Variants in TMEM143 observed in about 807,000 individuals in gnomAD.
TMEM143 encodes the protein transmembrane protein 143.
In TMEM143, 45 loss-of-function variants were observed where a neutral mutation model predicts 40.3. The ratio of observed to expected loss-of-function variants is 1.12; its 90% CI spans 0.88 to 1.43. The LOEUF (loss-of-function observed/expected upper bound fraction) is 1.43, where lower values mean the gene tolerates loss of function less well. TMEM143 is among the 40% of genes most tolerant of loss of function. The pLI, the probability that TMEM143 is intolerant of heterozygous loss-of-function variation, is 0.00. For synonymous variants in TMEM143, 299 were observed against 282.7 expected (o/e 1.06, Z -0.58); for missense variants, 620 against 613.4 (o/e 1.01, Z -0.11).
At chr19:48,363,629 G>A (rs746989565) in intron 1 of TMEM143, 98 bp from the exon 2 acceptor site, 2 of 1,489,872 alleles carry the variant, frequency 1.3e-6, no homozygotes, top group East Asian at 4.8e-5. Context: ...CTCTACCCCA[G>A]GCAGGGCGCA....
intron 3 of TMEM143, among the ~76,000 whole-genome samples, chr19:48,351,003 T>C (rs1969757924): frequency 6.6e-6 from 1 of 151,322 alleles, no homozygotes; most frequent in Non-Finnish European, 1.5e-5. Flanking sequence ...CCATCAAGCA[T>C]TCCCTTGTGG....
chr19:48,339,629 A>C (rs1969444908), intron 6 of TMEM143, among the ~76,000 whole-genome samples: 1 of 151,938 alleles, frequency 6.6e-6, no homozygotes. Context: ...GGACTAGGGG[A>C]GGGGCTTGCA....
intron 3 of TMEM143, among the ~76,000 whole-genome samples, chr19:48,357,176 C>T (rs1462741482): frequency 6.6e-6 from 1 of 151,506 alleles, no homozygotes. Context: ...AGGCTGGTCT[C>T]GAACTCCTGA....
Position 48,343,366 on chromosome 19 carries a change from A to G in TMEM143, c.650T>C (p.Val217Ala). The G allele has an allele frequency of 6.2e-7, 1 of 1,609,564 alleles. No individual in the cohort carries two copies. Among genetic ancestry groups the G allele is most frequent in the Non-Finnish European group, 8.5e-7 (1 of 1,178,356 alleles). ...RVGQMPLKSS[V>A]GSRRGFFTKL... ...GGTGAAGAAGCCACGCCTGGAGCCC[A>G]CGCTGGACTTCAGGGGCATCTGCCC... The change falls in exon 5 of 8, where the codon GTG becomes GCG. Residue 217 changes from valine to alanine, a missense_variant. Coordinates refer to ENST00000293261, the MANE Select transcript of TMEM143 (RefSeq NM_018273.4).
intron 3 of TMEM143, among the ~76,000 whole-genome samples, chr19:48,345,888 G>A (rs8106646): frequency 0.12 from 17,030 of 143,884 alleles, 1,326 homozygotes; most frequent in East Asian, 0.23. Context: ...GGGTTCAAGC[G>A]ATTCTCCTGT....
chr19:48,342,853 T>C, intron 5 of TMEM143, 44 bp from the exon 6 acceptor site: 1 of 1,542,796 alleles, frequency 6.5e-7, no homozygotes, highest in Non-Finnish European at 8.8e-7. Flanking sequence ...GGGACTGCAC[T>C]GCCCGGGGAG....
intron 6 of TMEM143, among the ~76,000 whole-genome samples, chr19:48,337,247 G>A (rs998220268): frequency 6.6e-6 from 1 of 151,584 alleles, no homozygotes; most frequent in Non-Finnish European, 1.5e-5. Context: ...GTCAATACAC[G>A]GTTAATAAAA....
At chr19:48,356,778 G>A (rs1264570406) in intron 3 of TMEM143, among the ~76,000 whole-genome samples, 1 of 150,262 alleles carries the variant, frequency 6.7e-6, no homozygotes, top group Non-Finnish European at 1.5e-5. Flanking sequence ...TGTATTTTTA[G>A]TAGAGACGGG....
In TMEM143 at chr19:48,343,453, T is replaced by A; in HGVS notation, c.565-2A>T. On this transcript the variant is annotated splice_acceptor_variant, in intron 4 of 7. Coordinates refer to ENST00000293261, the MANE Select transcript of TMEM143 (RefSeq NM_018273.4). LOFTEE classifies it high-confidence loss of function. ...ATACTGATCCAAATTTACTGTCACC[T>A]GCCGGGGGGATGAAGGAAGCAGTGG... 6.4e-7 allele frequency: 1 copy of A among 1,573,104 alleles called. No homozygotes were observed. Among genetic ancestry groups the A allele is most frequent in the Non-Finnish European group, 8.6e-7 (1 of 1,158,416 alleles).
At chr19:48,349,947 G>A (rs1969726627) in intron 3 of TMEM143, among the ~76,000 whole-genome samples, 1 of 148,552 alleles carries the variant, frequency 6.7e-6, no homozygotes, top group Admixed American at 6.7e-5. Flanking sequence ...AACAAAATTT[G>A]TAATTTTGTT....
chr19:48,343,380 G>A lies in TMEM143; in HGVS notation c.636C>T (p.Pro212=), dbSNP rs370219775. ...GCCTGGAGCCCACGCTGGACTTCAG[G>A]GGCATCTGCCCGACTCGCTGGCCCA... ...WALGQRVGQM[P]LKSSVGSRRG... The change falls in exon 5 of 8, where the codon CCC becomes CCT. Residue 212 remains proline (P), a synonymous_variant. Transcript: ENST00000293261. 8.1e-6 allele frequency: 13 copies of A among 1,607,476 alleles called. No individual in the cohort carries two copies. Among genetic ancestry groups the A allele is most frequent in the Non-Finnish European group, 1.0e-5 (12 of 1,177,214 alleles).
At chr19:48,338,727 C>T (rs1227516293) in intron 6 of TMEM143, among the ~76,000 whole-genome samples, 2 of 152,164 alleles carry the variant, frequency 1.3e-5, no homozygotes, top group East Asian at 1.9e-4. Flanking sequence ...ATCTCAGGGG[C>T]ACCAGTTCAA....
chr19:48,363,794 G>A, intron 1 of TMEM143, 104 bp downstream of exon 1: 1 of 1,577,422 alleles, frequency 6.3e-7, no homozygotes, highest in Non-Finnish European at 8.7e-7. Flanking sequence ...TTGGGGTCTA[G>A]ACAGCGAGGT....
In TMEM143 at chr19:48,334,192, G is replaced by T; in HGVS notation, c.981C>A (p.Phe327Leu). 6.2e-7 allele frequency: 1 copy of T among 1,600,686 alleles called. No individual in the cohort carries two copies. Among genetic ancestry groups the T allele is most frequent in the South Asian group, 1.1e-5 (1 of 89,504 alleles). Residue 327 changes from phenylalanine to leucine, a missense_variant, in exon 7 of 8, where the codon TTC (phenylalanine) becomes TTA (leucine). By Grantham distance (22) the Phe-to-Leu change is conservative. Coordinates refer to ENST00000293261, the MANE Select transcript of TMEM143 (RefSeq NM_018273.4). ...IFMGLRASKM[F>L]GQRRSAQALE... ...ACGCCTGCGCGCTGCGCCGCTGCCCGAACATCTGCAGGCGGGACAGCGCCC... is the reference window on the plus strand; with the variant it reads ...ACGCCTGCGCGCTGCGCCGCTGCCCTAACATCTGCAGGCGGGACAGCGCCC...
intron 6 of TMEM143, among the ~76,000 whole-genome samples, chr19:48,337,247 G>T (rs998220268): frequency 6.6e-6 from 1 of 151,584 alleles, no homozygotes; most frequent in Admixed American, 6.6e-5. Flanking sequence ...GTCAATACAC[G>T]GTTAATAAAA....
At chr19:48,359,817 C>G (rs767669392) in intron 3 of TMEM143, 5 of 425,162 alleles carry the variant, frequency 1.2e-5, no homozygotes, top group Non-Finnish European at 2.1e-5. Flanking sequence ...CATCTCATCC[C>G]TCTTTATCTC....
chr19:48,362,110 G>A (rs1970055693), intron 2 of TMEM143, among the ~76,000 whole-genome samples: 1 of 152,180 alleles, frequency 6.6e-6, no homozygotes, highest in South Asian at 2.1e-4. Context: ...GTGTATTTGT[G>A]TACACATATT....
At position 48,345,315 on chromosome 19, in the gene TMEM143, C is replaced by A; in HGVS notation, c.409G>T (p.Asp137Tyr). 6.3e-7 allele frequency: 1 copy of A among 1,592,604 alleles called. No individual in the cohort carries two copies. The highest frequency in any genetic ancestry group is 1.1e-5 in the South Asian group (1 of 87,554). ...DPINPDRETL[D>Y]QPSLTDPQRL... ...TGGGGATCCGTTAGTGATGGCTGAT[C>A]GAGGGTCTCCCTGTCAGGGTTGATG... Residue 137 changes from aspartate to tyrosine, a missense_variant, in exon 4 of 8, where the codon GAT becomes TAT. By Grantham distance (160) the Asp-to-Tyr change is radical. Coordinates refer to ENST00000293261, the MANE Select transcript of TMEM143 (RefSeq NM_018273.4).
intron 6 of TMEM143, among the ~76,000 whole-genome samples, chr19:48,334,446 C>CTT (rs869116856): frequency 0.039 from 1,813 of 46,478 alleles, 55 homozygotes; most frequent in African/African-American, 0.13. Context: ...TTCTTTCTTT[C>CTT]TTTCTTTCTT....
Sources: allele counts gnomAD v4.1 joint callset (sites outside exome capture counted in the v4.1 genomes callset), GRCh38; gene constraint gnomAD v4.1.1; transcripts MANE v1.5; gene names NCBI Gene and HGNC (gene_info 2026-07-23, HGNC 2026-07-21).